Variants in IRF2 observed in about 807,000 individuals in gnomAD.
IRF2 encodes the protein interferon regulatory factor 2.
In IRF2, 15 loss-of-function variants were observed where a neutral mutation model predicts 40.6. The observed-to-expected ratio is 0.37, with a 90% CI of 0.25 to 0.57. IRF2 has a LOEUF of 0.57. Ranked by LOEUF, IRF2 falls within the 20% of genes least tolerant of loss-of-function variation. The pLI, the probability that IRF2 is intolerant of heterozygous loss-of-function variation, is 0.77. For missense variants in IRF2, 317 were observed against 455.7 expected (o/e 0.70, Z 2.77); for synonymous variants, 151 against 165.5 (o/e 0.91, Z 0.67).
chr4:184,390,760 A>G lies in IRF2; in HGVS notation c.695-11T>C, dbSNP rs1736230089. On this transcript the variant is annotated splice_polypyrimidine_tract_variant and intron_variant, in intron 7 of 8. Coordinates refer to ENST00000393593, the MANE Select transcript of IRF2 (RefSeq NM_002199.4). ...CAGTCGTTTCGCTTTCTGTTCACAG[A>G]GAGAAAAACACAGGGCCATCATTCC... is the stretch of plus-strand genomic sequence containing the variant. 6.2e-7 allele frequency: 1 copy of G among 1,614,082 alleles called. No homozygotes were observed. The highest frequency in any genetic ancestry group is 8.5e-7 in the Non-Finnish European group (1 of 1,180,026).
At position 184,438,261 on chromosome 4, in the gene IRF2, C is replaced by T. The variant is rs754140904; in HGVS notation, c.-6-9191G>A. ...TAAAGCAAACATTCAAATCTACATCCGTCTGACTCCAAAGAATATGCCAGA... is the reference window on the plus strand; with the variant it reads ...TAAAGCAAACATTCAAATCTACATCTGTCTGACTCCAAAGAATATGCCAGA... On this transcript the variant is annotated intron_variant, in intron 1 of 8. Coordinates refer to ENST00000393593, the MANE Select transcript of IRF2 (RefSeq NM_002199.4). 6.8e-4 allele frequency among the ~76,000 whole-genome samples: 104 copies of T among 152,300 alleles called. 1 individual carries two copies. The highest frequency in any genetic ancestry group is 7.7e-4 in the East Asian group (4 of 5,184).
At chr4:184,453,128 T>C (rs1400878093) in intron 1 of IRF2, among the ~76,000 whole-genome samples, 1 of 152,310 alleles carries the variant, frequency 6.6e-6, no homozygotes, top group East Asian at 1.9e-4. Context: ...ATGAGAAAAC[T>C]GTGAATTGCA....
chr4:184,472,728 C>T (rs1310795112), intron 1 of IRF2: 1 of 152,280 alleles, frequency 6.6e-6, no homozygotes, highest in Admixed American at 6.5e-5. Flanking sequence ...GGGTCAGAAA[C>T]GAGCGAAAGC....
intron 1 of IRF2, among the ~76,000 whole-genome samples, chr4:184,439,847 G>A (rs1738236088): frequency 2.0e-5 from 3 of 152,302 alleles, no homozygotes; most frequent in Non-Finnish European, 4.4e-5. Flanking sequence ...CTATGTGTGT[G>A]TGCACAAAAG....
chr4:184,403,739 G>A (rs1561088512), intron 6 of IRF2, among the ~76,000 whole-genome samples: 1 of 152,184 alleles, frequency 6.6e-6, no homozygotes, highest in South Asian at 2.1e-4. Context: ...CCCCTCTCAG[G>A]ATAAAAACTT....
intron 1 of IRF2, among the ~76,000 whole-genome samples, chr4:184,430,860 AT>A (rs368521339): frequency 8.6e-4 from 130 of 150,996 alleles, no homozygotes; most frequent in Middle Eastern, 6.8e-3. Flanking sequence ...ACGCCCAGCT[AT>A]TTTTTTTTAT....
Position 184,390,757 on chromosome 4 carries a change from CAG to C in IRF2, c.695-10_695-9del. On this transcript the variant is annotated splice_polypyrimidine_tract_variant and intron_variant, in intron 7 of 8. Transcript: ENST00000393593. The stretch of plus-strand genomic sequence containing the variant: ...TATCAGTCGTTTCGCTTTCTGTTCA[CAG>C]AGAGAAAAACACAGGGCCATCATTC... 6.2e-7 allele frequency: 1 copy of C among 1,614,206 alleles called. No homozygotes were observed. Among genetic ancestry groups the C allele is most frequent in the Non-Finnish European group, 8.5e-7 (1 of 1,180,026 alleles).
chr4:184,411,796 C>G (rs75964972), intron 5 of IRF2, among the ~76,000 whole-genome samples: 4 of 151,964 alleles, frequency 2.6e-5, no homozygotes, highest in Admixed American at 2.6e-4. Context: ...GAACACTCTT[C>G]GCCCGAAGCC....
intron 1 of IRF2, among the ~76,000 whole-genome samples, chr4:184,453,729 A>G (rs920026611): frequency 1.3e-5 from 2 of 152,244 alleles, no homozygotes; most frequent in Non-Finnish European, 2.9e-5. Flanking sequence ...TAACTGAGCC[A>G]TGCTGGCTTG....
chr4:184,423,517 G>A (rs1266303572), intron 2 of IRF2, among the ~76,000 whole-genome samples: 1 of 152,130 alleles, frequency 6.6e-6, no homozygotes, highest in East Asian at 1.9e-4. Flanking sequence ...GTCAGAGATA[G>A]CCTGATGTTT....
Position 184,388,734 on chromosome 4 carries a change from C to T in IRF2, c.*24G>A, listed in dbSNP as rs755895188. The T allele has an allele frequency of 1.3e-6, 2 of 1,575,092 alleles. No individual in the cohort carries two copies. Among genetic ancestry groups the T allele is most frequent in the Middle Eastern group, 2.3e-4 (1 of 4,368 alleles). On this transcript the variant is annotated 3_prime_UTR_variant, in exon 9 of 9. Transcript: ENST00000393593. The surrounding 1 kb of genome is among the most constrained non-coding windows in gnomAD (Gnocchi z 4.6). ...ACAAAACAAAGCCAAGAAGCCCCAACAACCACCGCGGAGAGTCAGAGGCTT... is the reference window on the plus strand; with the variant it reads ...ACAAAACAAAGCCAAGAAGCCCCAATAACCACCGCGGAGAGTCAGAGGCTT...
chr4:184,409,482 T>G (rs1198830783), intron 5 of IRF2, among the ~76,000 whole-genome samples: 1 of 152,202 alleles, frequency 6.6e-6, no homozygotes, highest in Non-Finnish European at 1.5e-5. Context: ...TTACCAGATG[T>G]CCCGAAGGTC....
intron 1 of IRF2, among the ~76,000 whole-genome samples, chr4:184,462,329 G>A (rs909848877): frequency 2.0e-5 from 3 of 152,152 alleles, no homozygotes; most frequent in Non-Finnish European, 2.9e-5. Flanking sequence ...CATGAAGGTC[G>A]CATTTAATCT....
chr4:184,392,964 G>A (rs1736311185), intron 7 of IRF2, among the ~76,000 whole-genome samples: 1 of 152,096 alleles, frequency 6.6e-6, no homozygotes, highest in Non-Finnish European at 1.5e-5. Context: ...CTCAGCTGAC[G>A]ACGATCCCAG....
rs544701581 is a variant in IRF2 at position 184,460,545 on chromosome 4, ACT to A, written c.-7+13832_-7+13833del. On this transcript the variant is annotated intron_variant, in intron 1 of 8. Coordinates refer to ENST00000393593, the MANE Select transcript of IRF2 (RefSeq NM_002199.4). The stretch of plus-strand genomic sequence containing the variant: ...ATTTATGAATTCCCTACTTGCTGCC[ACT>A]GTTTCCTTCAGTGCTTTTATGGATG... Among the ~76,000 whole-genome samples, 457 of 152,288 alleles carry A rather than the reference ACT, an allele frequency of 3.0e-3. 5 individuals are homozygous for A. Among genetic ancestry groups the A allele is most frequent in the South Asian group, 0.017 (84 of 4,830 alleles).
intron 1 of IRF2, among the ~76,000 whole-genome samples, chr4:184,430,785 T>C (rs1737850633): frequency 3.9e-5 from 6 of 152,098 alleles, no homozygotes; most frequent in African/African-American, 1.4e-4. Context: ...AGCCTCAACC[T>C]CCTGGGCTCA....
chr4:184,418,298 C>T, intron 4 of IRF2, 85 bp from the exon 5 acceptor site: 1 of 1,134,132 alleles, frequency 8.8e-7, no homozygotes, highest in Non-Finnish European at 1.3e-6. Flanking sequence ...CTTTCTGAAA[C>T]TCTCAATGAA....
chr4:184,408,210 C>G lies in IRF2; in HGVS notation c.477G>C (p.Ala159=). 1 of 1,613,284 alleles carries G rather than the reference C, an allele frequency of 6.2e-7. No individual in the cohort carries two copies. Among genetic ancestry groups the G allele is most frequent in the Non-Finnish European group, 8.5e-7 (1 of 1,179,220 alleles). The change falls in exon 6 of 9, where the codon GCG becomes GCC. Residue 159 remains alanine (A), a synonymous_variant. Coordinates refer to ENST00000393593, the MANE Select transcript of IRF2 (RefSeq NM_002199.4). The surrounding 1 kb of genome is among the most constrained non-coding windows in gnomAD (Gnocchi z 4.9). ...CATTTTTTATAGTTGAAGTCAGGAC[C>G]GCATACTCAGGAGAAAGATCACTTA... The part of the protein sequence containing the change: ...NGVSDLSPEY[A]VLTSTIKNEV...
At chr4:184,414,890 G>A (rs773795544) in intron 5 of IRF2, among the ~76,000 whole-genome samples, 5 of 152,210 alleles carry the variant, frequency 3.3e-5, no homozygotes, top group Admixed American at 6.5e-5. Context: ...AGAAACCTAC[G>A]TAGTGTATCC....
Sources: allele counts gnomAD v4.1 joint callset (sites outside exome capture counted in the v4.1 genomes callset), GRCh38; gene constraint gnomAD v4.1.1; non-coding constraint Gnocchi (gnomAD v3.1); transcripts MANE v1.5; gene names NCBI Gene and HGNC (gene_info 2026-07-23, HGNC 2026-07-21).